Variants in HHIP observed in about 807,000 individuals in gnomAD.
HHIP encodes the protein hedgehog interacting protein.
In HHIP, 12 loss-of-function variants were observed where a neutral mutation model predicts 74.0. The observed-to-expected ratio is 0.16, with a 90% confidence interval of 0.10 to 0.26. HHIP has a LOEUF of 0.26. Ranked by LOEUF, HHIP falls within the 10% of genes least tolerant of loss-of-function variation. HHIP has a pLI of 1.00. For synonymous variants in HHIP, 309 were observed against 311.6 expected, an observed-to-expected ratio of 0.99 and a Z score of 0.09; for missense variants, 788 against 845.0, an observed-to-expected ratio of 0.93 and a Z score of 0.84.
Position 144,739,616 on chromosome 4 carries a change from T to C in HHIP, c.*1659T>C, listed in dbSNP as rs1731214291. 1 of 152,240 alleles carries C rather than the reference T, an allele frequency of 6.6e-6. No individual in the cohort carries two copies. Among genetic ancestry groups the C allele is most frequent in the Non-Finnish European group, 1.5e-5 (1 of 68,040 alleles). 9.4% of individuals were successfully genotyped at this position (152,240 alleles called of 1,614,324 possible). A position where few individuals can be genotyped will look rare whatever the true frequency, so the allele number is the denominator to read the frequency against. ...TTAAGTACACTGCTCTTGTCTTCCATATATGATTACTTAAGTTTCAAGTGA... is the reference window on the plus strand; with the variant it reads ...TTAAGTACACTGCTCTTGTCTTCCACATATGATTACTTAAGTTTCAAGTGA... On this transcript the variant is annotated 3_prime_UTR_variant, in exon 13 of 13. Transcript: ENST00000296575.
Position 144,676,391 on chromosome 4 carries a change from A to G in HHIP, c.831+16553A>G, listed in dbSNP as rs776090281. ...CTGCCAAAAGCATTTGTTCATCATC[A>G]TGTACATTTCTACTTAGATATGGCT... On this transcript the variant is annotated intron_variant, in intron 4 of 12. Transcript: ENST00000296575. 2.6e-5 allele frequency among the ~76,000 whole-genome samples: 4 copies of G among 152,354 alleles called. No individual in the cohort carries two copies. The South Asian group carries it at 6.2e-4, about 24-fold the overall frequency.
chr4:144,728,209 T>A (rs1730852738), intron 11 of HHIP, among the ~76,000 whole-genome samples: 1 of 152,216 alleles, frequency 6.6e-6, no homozygotes, highest in African/African-American at 2.4e-5. Flanking sequence ...AAAGGTTTAG[T>A]GCCAACTCAG....
intron 4 of HHIP, among the ~76,000 whole-genome samples, chr4:144,681,907 C>T (rs757319216): frequency 8.2e-4 from 125 of 152,066 alleles, no homozygotes; most frequent in Non-Finnish European, 2.6e-4. Flanking sequence ...TAAAACTTTT[C>T]GAATTGGAAG....
chr4:144,738,766 G>C lies in HHIP; in HGVS notation c.*809G>C, dbSNP rs1031973126. The C allele has an allele frequency of 2.5e-6, 2 of 807,190 alleles. No individual in the cohort carries two copies. The highest frequency in any genetic ancestry group is 3.0e-6 in the Non-Finnish European group (2 of 667,220). 50.0% of individuals were successfully genotyped at this position (807,190 alleles called of 1,614,324 possible). A position where few individuals can be genotyped will look rare whatever the true frequency, so the allele number is the denominator to read the frequency against. ...TTACCCTGTCCTGTAAAACACTAAAGTTACATTTTTCACCAACTTAATTGG... is the reference window on the plus strand; with the variant it reads ...TTACCCTGTCCTGTAAAACACTAAACTTACATTTTTCACCAACTTAATTGG... On this transcript the variant is annotated 3_prime_UTR_variant, in exon 13 of 13. Transcript: ENST00000296575.
Position 144,678,902 on chromosome 4 carries a change from G to A in HHIP, c.831+19064G>A, listed in dbSNP as rs184995609. 3.7e-3 allele frequency among the ~76,000 whole-genome samples: 570 copies of A among 152,208 alleles called. 5 individuals are homozygous for A. The highest frequency in any genetic ancestry group is 0.013 in the African/African-American group (536 of 41,532). On this transcript the variant is annotated intron_variant, in intron 4 of 12. Coordinates refer to ENST00000296575, the MANE Select transcript of HHIP (RefSeq NM_022475.3). ...TTATAATCCTTAGGGGTTTATAATG[G>A]GATTGCTGGGTCAAATGGTATTTCC...
intron 1 of HHIP, among the ~76,000 whole-genome samples, chr4:144,649,438 C>A (rs1462207813): frequency 6.6e-6 from 1 of 151,990 alleles, no homozygotes; most frequent in Non-Finnish European, 1.5e-5. Context: ...ATTCTTTAGC[C>A]ATGGAATTAT....
intron 4 of HHIP, among the ~76,000 whole-genome samples, chr4:144,680,859 A>G (rs1251579948): frequency 1.3e-5 from 2 of 152,084 alleles, no homozygotes; most frequent in Non-Finnish European, 2.9e-5. Context: ...ATGTTTTCCT[A>G]TTTACTTGTT....
intron 3 of HHIP, 130 bp from the exon 4 acceptor site, chr4:144,659,507 G>C: frequency 5.4e-6 from 3 of 551,056 alleles, no homozygotes; most frequent in Admixed American, 6.2e-5. Context: ...GTGACCCTTG[G>C]GTTAGCAAGC....
chr4:144,714,321 G>A lies in HHIP; in HGVS notation c.1520G>A (p.Gly507Glu). The stretch of plus-strand genomic sequence containing the variant: ...GGCTGCCAGTCAGAAAGATTGTATG[G>A]AAGCTACGTGTTTGGAGATCGTAAT... ...YRGCQSERLY[G>E]SYVFGDRNGN... The change falls in exon 9 of 13, where the codon GGA (glycine) becomes GAA (glutamate). Residue 507 changes from glycine (G) to glutamate (E), a missense_variant. Coordinates refer to ENST00000296575, the MANE Select transcript of HHIP (RefSeq NM_022475.3). 6.2e-7 allele frequency: 1 copy of A among 1,613,462 alleles called. No individual in the cohort carries two copies. Among genetic ancestry groups the A allele is most frequent in the Non-Finnish European group, 8.5e-7 (1 of 1,179,584 alleles).
chr4:144,691,443 A>T (rs1326277544), intron 4 of HHIP, among the ~76,000 whole-genome samples: 2 of 152,198 alleles, frequency 1.3e-5, no homozygotes, highest in South Asian at 4.1e-4. Context: ...CAATTGGTTG[A>T]TGTTGCTGAC....
intron 7 of HHIP, 134 bp downstream of exon 7, chr4:144,708,445 C>T (rs1403226916): frequency 7.8e-6 from 6 of 765,448 alleles, no homozygotes; most frequent in African/African-American, 1.7e-5. Flanking sequence ...TCTAAAGTCA[C>T]AACAGGTCAT....
intron 4 of HHIP, among the ~76,000 whole-genome samples, chr4:144,661,101 G>A (rs957065100): frequency 2.0e-5 from 3 of 152,112 alleles, no homozygotes; most frequent in East Asian, 3.9e-4. Context: ...AACAAGAACT[G>A]ATGTTCTTGT....
chr4:144,647,013 T>G, intron 1 of HHIP, 59 bp downstream of exon 1: 1 of 1,470,260 alleles, frequency 6.8e-7, no homozygotes, highest in African/African-American at 1.4e-5. Flanking sequence ...TGGGGTTCCC[T>G]GTGGCTCTGG....
chr4:144,715,339 G>A lies in HHIP; in HGVS notation c.1587G>A (p.Gln529=). 1 of 1,613,430 alleles carries A rather than the reference G, an allele frequency of 6.2e-7. No individual in the cohort carries two copies. The highest frequency in any genetic ancestry group is 8.5e-7 in the Non-Finnish European group (1 of 1,179,468). ...TCCAGCAAAGTCCTGTGACAAAGCA[G>A]TGGCAAGAAAAACCACTCTGTCTCG... ...LTLQQSPVTK[Q]WQEKPLCLGT... Residue 529 remains glutamine (Q), a synonymous_variant, in exon 10 of 13, where the codon CAG becomes CAA. Transcript: ENST00000296575.
intron 4 of HHIP, among the ~76,000 whole-genome samples, chr4:144,694,010 T>C (rs1235051272): frequency 6.6e-6 from 1 of 151,980 alleles, no homozygotes; most frequent in Non-Finnish European, 1.5e-5. Flanking sequence ...TAAAAATGAA[T>C]GTTTAGATTG....
At chr4:144,710,212 C>T (rs186496943) in intron 7 of HHIP, among the ~76,000 whole-genome samples, 93 of 152,298 alleles carry the variant, frequency 6.1e-4, no homozygotes, top group Non-Finnish European at 1.2e-3. Context: ...ACAAGTCAAA[C>T]CTCTTTTTCT....
At chr4:144,678,933 TAGATCCTTGG>T (rs1468270557) in intron 4 of HHIP, among the ~76,000 whole-genome samples, 7 of 152,240 alleles carry the variant, frequency 4.6e-5, no homozygotes, top group Non-Finnish European at 8.8e-5. Context: ...TTTCCGGTTC[TAGATCCTTGG>T]GGAATCCCCA....
At chr4:144,734,656 C>A in intron 11 of HHIP, 85 bp from the exon 12 acceptor site, 2 of 1,107,560 alleles carry the variant, frequency 1.8e-6, no homozygotes, top group Non-Finnish European at 2.5e-6. Context: ...AAGAGGCATG[C>A]TTTGTAAGCC....
chr4:144,705,909 C>T (rs528074551), intron 4 of HHIP, among the ~76,000 whole-genome samples: 50 of 152,246 alleles, frequency 3.3e-4, no homozygotes, highest in Non-Finnish European at 5.3e-4. Context: ...AAAGAAAAAC[C>T]CTATGCAGCG....
Sources: gnomAD v4.1 joint callset for allele counts (sites outside exome capture counted in the v4.1 genomes callset) on GRCh38, gnomAD v4.1.1 for gene constraint, MANE v1.5 for transcripts, NCBI Gene and HGNC (gene_info 2026-07-23, HGNC 2026-07-21) for gene names.